AP4S1: variants seen among roughly 807,000 people sequenced by gnomAD.
The protein encoded by AP4S1 is AP-4 complex subunit sigma-1.
In AP4S1, 23 loss-of-function variants were observed where a neutral mutation model predicts 19.8. The observed-to-expected ratio is 1.16, with a 90% confidence interval of 0.84 to 1.65. The LOEUF (loss-of-function observed/expected upper bound fraction) is 1.65. Ranked by LOEUF, AP4S1 falls within the 40% of genes most tolerant of loss-of-function variation. AP4S1 has a pLI of 0.00. For synonymous variants in AP4S1, 46 were observed against 54.1 expected, an observed-to-expected ratio of 0.85 and a Z score of 0.66; for missense variants, 166 against 172.8, an observed-to-expected ratio of 0.96 and a Z score of 0.22.
chr14:31,070,401 C>T (rs1886938794), intron 3 of AP4S1, among the ~76,000 whole-genome samples: 1 of 152,136 alleles, frequency 6.6e-6, no homozygotes, highest in South Asian at 2.1e-4. Context: ...CTCCCAAGCC[C>T]AACTTATTTT....
intron 5 of AP4S1, 129 bp downstream of exon 5, chr14:31,080,713 G>A (rs919405515): frequency 1.5e-5 from 20 of 1,321,426 alleles, no homozygotes; most frequent in Non-Finnish European, 1.9e-5. Flanking sequence ...ACTATGACAA[G>A]ACAGCCAGAG....
At chr14:31,084,337 A>G (rs1887813308) in intron 5 of AP4S1, among the ~76,000 whole-genome samples, 1 of 152,192 alleles carries the variant, frequency 6.6e-6, no homozygotes, top group Non-Finnish European at 1.5e-5. Flanking sequence ...GTTTCTGAGA[A>G]CCTGTACAGT....
chr14:31,049,039 A>G (rs1327361997), intron 1 of AP4S1, among the ~76,000 whole-genome samples: 1 of 151,818 alleles, frequency 6.6e-6, no homozygotes, highest in African/African-American at 2.4e-5. Context: ...ACCCTAGGTC[A>G]GGAGTTCAAG....
intron 4 of AP4S1, among the ~76,000 whole-genome samples, chr14:31,079,483 A>G (rs1887526710): frequency 6.6e-6 from 1 of 152,062 alleles, no homozygotes; most frequent in Non-Finnish European, 1.5e-5. Flanking sequence ...GGAAGGCTGT[A>G]CCTTCCCCTC....
chr14:31,071,561 C>CA (rs749048508), intron 3 of AP4S1, among the ~76,000 whole-genome samples: 1 of 152,146 alleles, frequency 6.6e-6, no homozygotes. Flanking sequence ...GCTAGGACTA[C>CA]AGGCACCCAC....
intron 5 of AP4S1, chr14:31,086,509 G>T (rs1887921531): frequency 1.3e-5 from 2 of 152,448 alleles, no homozygotes; most frequent in Non-Finnish European, 2.9e-5. Context: ...CGCCTCCCAG[G>T]TTCAAGCTAT....
intron 1 of AP4S1, among the ~76,000 whole-genome samples, chr14:31,049,428 A>AAAAATATATATATAT (rs1384450221): frequency 2.9e-4 from 17 of 57,738 alleles, no homozygotes; most frequent in Non-Finnish European, 4.1e-4. Flanking sequence ...AAAAAAAAAA[A>AAAAATATATATATAT]ATATATATAT....
chr14:31,050,867 T>G (rs1018359934), intron 1 of AP4S1, among the ~76,000 whole-genome samples: 3 of 152,140 alleles, frequency 2.0e-5, no homozygotes, highest in African/African-American at 7.2e-5. Flanking sequence ...CTCTGGACTG[T>G]GATGGTTTTT....
chr14:31,062,915 C>T (rs966431353), intron 1 of AP4S1, among the ~76,000 whole-genome samples: 1 of 150,716 alleles, frequency 6.6e-6, no homozygotes. Flanking sequence ...TGCAGTGAGC[C>T]GAGATTACGC....
At chr14:31,046,847 A>G (rs892948289) in intron 1 of AP4S1, among the ~76,000 whole-genome samples, 6 of 144,616 alleles carry the variant, frequency 4.1e-5, no homozygotes, top group African/African-American at 7.4e-5. Context: ...CTCCGTCTCA[A>G]AAAAAAAAAA....
intron 1 of AP4S1, among the ~76,000 whole-genome samples, chr14:31,044,096 G>T (rs1388950713): frequency 6.6e-6 from 1 of 152,118 alleles, no homozygotes; most frequent in Non-Finnish European, 1.5e-5. Flanking sequence ...AAAACAAACT[G>T]TAAGTATGTA....
intron 1 of AP4S1, among the ~76,000 whole-genome samples, chr14:31,029,930 A>G (rs1177488624): frequency 2.0e-5 from 3 of 149,600 alleles, no homozygotes; most frequent in Non-Finnish European, 3.0e-5. Context: ...TTGACTCACT[A>G]TTCTATTGTA....
intron 1 of AP4S1, chr14:31,026,164 C>G (rs1883904501): frequency 6.7e-7 from 1 of 1,486,406 alleles, no homozygotes; most frequent in Admixed American, 2.3e-5. Flanking sequence ...CCGCCACCAC[C>G]GCCTCCGGCA....
chr14:31,038,394 A>G (rs1165942254), intron 1 of AP4S1, among the ~76,000 whole-genome samples: 1 of 152,202 alleles, frequency 6.6e-6, no homozygotes, highest in Non-Finnish European at 1.5e-5. Flanking sequence ...CAAGTAAATA[A>G]TCTGTTAGAA....
intron 5 of AP4S1, 64 bp downstream of exon 5, chr14:31,080,648 A>G (rs1887590377): frequency 6.2e-7 from 1 of 1,610,626 alleles, no homozygotes; most frequent in South Asian, 1.1e-5. Flanking sequence ...TTATCAGGTA[A>G]GTACCACAAG....
intron 1 of AP4S1, chr14:31,026,013 G>C (rs1283505547): frequency 3.2e-6 from 5 of 1,548,890 alleles, no homozygotes; most frequent in Non-Finnish European, 2.6e-6. Context: ...CTGCGGCCGG[G>C]ACAGCTCGGG....
chr14:31,037,165 C>T (rs939674963), intron 1 of AP4S1, among the ~76,000 whole-genome samples: 2 of 152,002 alleles, frequency 1.3e-5, no homozygotes, highest in African/African-American at 2.4e-5. Context: ...GCCTTACACA[C>T]ATGCACACAC....
chr14:31,057,652 G>T (rs1886193339), intron 1 of AP4S1, among the ~76,000 whole-genome samples: 1 of 152,036 alleles, frequency 6.6e-6, no homozygotes, highest in Non-Finnish European at 1.5e-5. Context: ...TGGAGACGAA[G>T]TCTTGCTCTG....
In AP4S1 at chr14:31,088,664, G is replaced by A. The variant is rs372561189; in HGVS notation, c.307-4243G>A. 1.5e-4 allele frequency among the ~76,000 whole-genome samples: 23 copies of A among 151,906 alleles called. No homozygotes were observed. The South Asian group carries it at 2.9e-3, about 19-fold the overall frequency. ...TTCTACTAAAAATACAAAAATTAGC[G>A]GGGCGTGGTGGCACGCACCAGTAAT... is the stretch of plus-strand genomic sequence containing the variant. On this transcript the variant is annotated intron_variant, in intron 5 of 5. Coordinates refer to ENST00000542754, the MANE Select transcript of AP4S1 (RefSeq NM_001128126.3).
Sources: gnomAD v4.1 joint callset for allele counts (sites outside exome capture counted in the v4.1 genomes callset) on GRCh38, gnomAD v4.1.1 for gene constraint, MANE v1.5 for transcripts, NCBI Gene and HGNC (gene_info 2026-07-23, HGNC 2026-07-21) for gene names.